The following TMEM132D variants were observed in gnomAD, a reference collection of about 807,000 sequenced individuals.
TMEM132D encodes mature OL transmembrane protein.
Under a neutral mutation model 62.3 loss-of-function variants are expected in TMEM132D, and 21 were observed. The ratio of observed to expected loss-of-function variants is 0.34; its 90% confidence interval spans 0.24 to 0.49. The LOEUF is 0.49. TMEM132D is among the 20% of genes least tolerant of loss of function. TMEM132D has a pLI of 0.99. For missense variants in TMEM132D, 1,346 were observed against 1,402.8 expected (o/e 0.96, Z 0.65); for synonymous variants, 621 against 575.6 (o/e 1.08, Z -1.13).
intron 4 of TMEM132D, among the ~76,000 whole-genome samples, chr12:129,312,477 AT>A (rs1881999084): frequency 6.6e-6 from 1 of 152,276 alleles, no homozygotes; most frequent in South Asian, 2.1e-4. Context: ...GACATCTATC[AT>A]TCATTCATTA....
At chr12:129,894,295 T>C (rs553331745) in intron 1 of TMEM132D, among the ~76,000 whole-genome samples, 4 of 152,174 alleles carry the variant, frequency 2.6e-5, no homozygotes, top group Non-Finnish European at 5.9e-5. Flanking sequence ...TGAGAGTGTA[T>C]GGGGGACACC....
intron 4 of TMEM132D, chr12:129,262,199 A>G (rs1309774701): frequency 6.6e-6 from 1 of 152,224 alleles, no homozygotes; most frequent in Non-Finnish European, 1.5e-5. Flanking sequence ...TCTTATGGTA[A>G]TACCCTTGAT....
At chr12:129,194,971 C>A (rs1878507442) in intron 5 of TMEM132D, among the ~76,000 whole-genome samples, 1 of 152,210 alleles carries the variant, frequency 6.6e-6, no homozygotes, top group Non-Finnish European at 1.5e-5. Flanking sequence ...CAGTGGGCAG[C>A]AGGCATTTTT....
rs145228924 is a variant in TMEM132D, at chr12:129,378,976, G to A, written c.1116-41159C>T. Among the ~76,000 whole-genome samples the A allele has an allele frequency of 2.8e-3, 419 of 152,254 alleles. 3 individuals carry two copies. Among genetic ancestry groups the A allele is most frequent in the African/African-American group, 9.6e-3 (397 of 41,530 alleles). On this transcript the variant is annotated intron_variant, in intron 3 of 8. Transcript: ENST00000422113. ...GGAGGTTATCACTCAGGAAGGGGGG[G>A]ACACTTAATCAGAGAGGCCTCCTGA...
At chr12:129,812,997 T>C (rs987509572) in intron 1 of TMEM132D, among the ~76,000 whole-genome samples, 18 of 151,838 alleles carry the variant, frequency 1.2e-4, no homozygotes, top group Non-Finnish European at 2.5e-4. Context: ...ATCTTATGCA[T>C]TTATCCCGAC....
At chr12:129,478,336 A>T (rs1874330854) in intron 3 of TMEM132D, among the ~76,000 whole-genome samples, 1 of 152,222 alleles carries the variant, frequency 6.6e-6, no homozygotes, top group Non-Finnish European at 1.5e-5. Context: ...TAAAAAAGTA[A>T]TTGTGCTACA....
chr12:129,391,827 G>T (rs1871297683), intron 3 of TMEM132D, among the ~76,000 whole-genome samples: 1 of 152,052 alleles, frequency 6.6e-6, no homozygotes, highest in Non-Finnish European at 1.5e-5. Context: ...TGCTATCTTG[G>T]CTCACTGCAA....
At chr12:129,257,330 C>A (rs1042513943) in intron 4 of TMEM132D, among the ~76,000 whole-genome samples, 4 of 151,960 alleles carry the variant, frequency 2.6e-5, no homozygotes, top group Admixed American at 2.6e-4. Context: ...CCTTAGCCTC[C>A]CGAGTAGCTG....
intron 2 of TMEM132D, among the ~76,000 whole-genome samples, chr12:129,544,555 T>C (rs1876678407): frequency 6.6e-6 from 1 of 152,228 alleles, no homozygotes; most frequent in South Asian, 2.1e-4. Context: ...CTAAATGCTT[T>C]AAACACAATA....
intron 3 of TMEM132D, among the ~76,000 whole-genome samples, chr12:129,512,187 A>G (rs1283786315): frequency 2.0e-5 from 3 of 152,122 alleles, no homozygotes; most frequent in Non-Finnish European, 4.4e-5. Flanking sequence ...TTACCCCACT[A>G]CTTTCTGAGT....
At chr12:129,503,235 C>T (rs1240728201) in intron 3 of TMEM132D, among the ~76,000 whole-genome samples, 1 of 152,090 alleles carries the variant, frequency 6.6e-6, no homozygotes, top group Non-Finnish European at 1.5e-5. Flanking sequence ...TTCTTGGCAC[C>T]TTTAATATTT....
intron 1 of TMEM132D, among the ~76,000 whole-genome samples, chr12:129,880,223 A>G (rs1874547825): frequency 6.6e-6 from 1 of 152,332 alleles, no homozygotes; most frequent in East Asian, 1.9e-4. Flanking sequence ...TCATTAAAGT[A>G]CTGAAAGGAA....
chr12:129,311,012 C>G lies in TMEM132D; in HGVS notation c.1299+26622G>C, dbSNP rs1881960092. Among the ~76,000 whole-genome samples the G allele has an allele frequency of 2.1e-5, 2 of 96,096 alleles. 1 individual carries two copies. The highest frequency in any genetic ancestry group is 3.8e-5 in the Non-Finnish European group (2 of 52,626). 63.0% of individuals were successfully genotyped at this position (96,096 alleles called of 152,430 possible). The stretch of plus-strand genomic sequence containing the variant: ...AGGAGATCGAGACCATCCTGGCTAA[C>G]ACGGTGAAACCCCGTCTCTACTAAA... On this transcript the variant is annotated intron_variant, in intron 4 of 8. Transcript: ENST00000422113.
At chr12:129,800,804 C>T (rs917258738) in intron 1 of TMEM132D, among the ~76,000 whole-genome samples, 2 of 152,168 alleles carry the variant, frequency 1.3e-5, no homozygotes, top group Middle Eastern at 3.4e-3. Flanking sequence ...TCTGAGGTAC[C>T]GGGCTCATCT....
At chr12:129,495,602 A>T (rs909701110) in intron 3 of TMEM132D, among the ~76,000 whole-genome samples, 12 of 152,138 alleles carry the variant, frequency 7.9e-5, no homozygotes, top group African/African-American at 2.4e-5. Flanking sequence ...AGCTGACAGA[A>T]GGTGACCCCG....
intron 4 of TMEM132D, among the ~76,000 whole-genome samples, chr12:129,256,980 A>C (rs1880417458): frequency 6.6e-6 from 1 of 152,220 alleles, no homozygotes; most frequent in Non-Finnish European, 1.5e-5. Flanking sequence ...ATGTTTTAGC[A>C]GCTGGCCAGA....
chr12:129,685,535 G>A (rs1222234387), intron 2 of TMEM132D, among the ~76,000 whole-genome samples: 1 of 152,170 alleles, frequency 6.6e-6, no homozygotes, highest in African/African-American at 2.4e-5. Flanking sequence ...CCAGGCAGAA[G>A]ACTGCTACAG....
intron 2 of TMEM132D, among the ~76,000 whole-genome samples, chr12:129,649,922 G>T (rs1200731823): frequency 1.3e-5 from 2 of 151,648 alleles, no homozygotes; most frequent in Non-Finnish European, 2.9e-5. Context: ...GTACGTGTGT[G>T]TGTATGTTTA....
At chr12:129,432,681 A>T (rs1018660629) in intron 3 of TMEM132D, among the ~76,000 whole-genome samples, 3 of 152,268 alleles carry the variant, frequency 2.0e-5, no homozygotes, top group African/African-American at 4.8e-5. Context: ...TAATTAATTT[A>T]AAAAATACTC....
Sources: gnomAD v4.1 joint callset for allele counts (sites outside exome capture counted in the v4.1 genomes callset) on GRCh38, gnomAD v4.1.1 for gene constraint, MANE v1.5 for transcripts, NCBI Gene and HGNC (gene_info 2026-07-23, HGNC 2026-07-21) for gene names.